CNOT1: variants seen among roughly 807,000 people sequenced by gnomAD.
The protein encoded by CNOT1 is CCR4-associated factor 1.
CNOT1 carries 15 observed loss-of-function variants against 273.8 expected under a neutral mutation model. That is an observed-to-expected ratio of 0.05 (90% CI 0.04 to 0.08). The LOEUF (loss-of-function observed/expected upper bound fraction) is 0.08. Ranked by LOEUF, CNOT1 falls within the 10% of genes least tolerant of loss-of-function variation. The pLI is 1.00. For missense variants in CNOT1, 1,644 were observed against 2,912.2 expected (o/e 0.56, Z 10.02); for synonymous variants, 1,022 against 1,005.5 (o/e 1.02, Z -0.31).
At chr16:58,613,814 C>T (rs2042981165) in intron 1 of CNOT1, among the ~76,000 whole-genome samples, 1 of 122,550 alleles carries the variant, frequency 8.2e-6, no homozygotes, top group Non-Finnish European at 1.9e-5. Flanking sequence ...AATTGGTCGC[C>T]GTGGTGGCTC....
Position 58,582,935 on chromosome 16 carries a change from C to G in CNOT1, c.934-32G>C, listed in dbSNP as rs754308831. On this transcript the variant is annotated intron_variant, in intron 9 of 48. Coordinates refer to ENST00000317147, the MANE Select transcript of CNOT1 (RefSeq NM_016284.5). ...AAGTAAAACTTGAATTAAACAAACCCAACTACTCCATGTGTTCACTTCTGG... is the reference window on the plus strand; with the variant it reads ...AAGTAAAACTTGAATTAAACAAACCGAACTACTCCATGTGTTCACTTCTGG... 9.3e-6 allele frequency: 15 copies of G among 1,613,316 alleles called. No homozygotes were observed. In the African/African-American group the frequency reaches 2.0e-4, roughly 22 times the overall value.
intron 42 of CNOT1, 120 bp downstream of exon 42, chr16:58,531,838 A>T: frequency 8.1e-7 from 1 of 1,232,274 alleles, no homozygotes; most frequent in African/African-American, 1.5e-5. Flanking sequence ...TAGCATTCCC[A>T]ACTAAGTTTG....
In CNOT1 at chr16:58,543,496, A is replaced by C. The variant is rs201759057; in HGVS notation, c.4434+111T>G. 1,042 of 1,546,322 alleles carry C rather than the reference A, an allele frequency of 6.7e-4. 1 individual carries two copies. The highest frequency in any genetic ancestry group is 8.4e-4 in the Non-Finnish European group (961 of 1,146,790). On this transcript the variant is annotated intron_variant, in intron 31 of 48. Coordinates refer to ENST00000317147, the MANE Select transcript of CNOT1 (RefSeq NM_016284.5). Reference sequence around the variant, plus strand: ...TGGAAGACATCAAACAAATATGGTGATTATTAAGAATAAGTGGTAACGCCC... The same window carrying C: ...TGGAAGACATCAAACAAATATGGTGCTTATTAAGAATAAGTGGTAACGCCC...
At chr16:58,538,658 A>G in intron 36 of CNOT1, 114 bp downstream of exon 36, 9 of 1,458,746 alleles carry the variant, frequency 6.2e-6, no homozygotes, top group Non-Finnish European at 7.3e-6. Context: ...AGGAAGTCTA[A>G]GTGTCCGACC....
chr16:58,567,121 C>T (rs554205146), intron 16 of CNOT1, among the ~76,000 whole-genome samples: 14 of 152,014 alleles, frequency 9.2e-5, no homozygotes, highest in African/African-American at 3.1e-4. Context: ...TGAACATGCA[C>T]TGTACTTCAG....
chr16:58,540,239 A>T (rs1049558421), intron 34 of CNOT1, among the ~76,000 whole-genome samples: 1 of 152,186 alleles, frequency 6.6e-6, no homozygotes, highest in Admixed American at 6.5e-5. Flanking sequence ...GAGCATTAGT[A>T]ACAATGAGAC....
chr16:58,583,185 G>A lies in CNOT1; in HGVS notation c.807-3C>T. On this transcript the variant is annotated splice_region_variant and splice_polypyrimidine_tract_variant and intron_variant, in intron 8 of 48. Coordinates refer to ENST00000317147, the MANE Select transcript of CNOT1 (RefSeq NM_016284.5). ...TTATATTGCGACATTCTTCAATACT[G>A]AAACAGAAATATAACTTCAGAAAAA... 2 of 1,612,564 alleles carry A rather than the reference G, an allele frequency of 1.2e-6. No individual in the cohort carries two copies. Among genetic ancestry groups the A allele is most frequent in the Admixed American group, 3.4e-5 (2 of 59,592 alleles).
chr16:58,587,662 C>G, intron 4 of CNOT1, 118 bp downstream of exon 4: 2 of 1,236,646 alleles, frequency 1.6e-6, no homozygotes, highest in Non-Finnish European at 2.2e-6. Flanking sequence ...TAAAAGACAC[C>G]CCAAAATAAC....
intron 16 of CNOT1, among the ~76,000 whole-genome samples, chr16:58,560,750 C>A (rs1009601104): frequency 1.3e-4 from 20 of 152,262 alleles, no homozygotes; most frequent in African/African-American, 4.6e-4. Context: ...CGAGGCTGAG[C>A]GTAGTGGTTC....
intron 17 of CNOT1, among the ~76,000 whole-genome samples, chr16:58,559,559 T>C (rs1030014615): frequency 5.3e-5 from 8 of 152,360 alleles, no homozygotes; most frequent in Middle Eastern, 3.4e-3. Flanking sequence ...CCAAAATATG[T>C]ATTTTTAAAA....
At chr16:58,537,820 C>T in intron 38 of CNOT1, 71 bp downstream of exon 38, 1 of 1,579,336 alleles carries the variant, frequency 6.3e-7, no homozygotes, top group Non-Finnish European at 8.7e-7. Context: ...GTTAGTAAGT[C>T]TGCATATTCA....
intron 1 of CNOT1, among the ~76,000 whole-genome samples, chr16:58,620,716 C>CTTTTG (rs140181343): frequency 0.4 from 57,957 of 146,288 alleles, 12,611 homozygotes; most frequent in African/African-American, 0.59. Flanking sequence ...GCTTAACAGT[C>CTTTTG]TTTTGACTAT....
At chr16:58,597,338 G>A (rs1305323852) in intron 2 of CNOT1, among the ~76,000 whole-genome samples, 2 of 151,930 alleles carry the variant, frequency 1.3e-5, no homozygotes, top group African/African-American at 4.8e-5. Context: ...AGCTGGGTGT[G>A]GTGGTGGAAG....
At chr16:58,568,267 C>G (rs979624923) in intron 16 of CNOT1, among the ~76,000 whole-genome samples, 6 of 151,898 alleles carry the variant, frequency 4.0e-5, no homozygotes, top group Non-Finnish European at 8.8e-5. Context: ...ACTCGGGAGG[C>G]TGAGGCATTA....
At chr16:58,530,017 T>C (rs970407527) in intron 43 of CNOT1, among the ~76,000 whole-genome samples, 1 of 152,184 alleles carries the variant, frequency 6.6e-6, no homozygotes, top group African/African-American at 2.4e-5. Flanking sequence ...TTTACAAGTA[T>C]AAACTGGTAC....
intron 1 of CNOT1, among the ~76,000 whole-genome samples, chr16:58,600,844 AATC>A (rs1262056574): frequency 3.3e-5 from 5 of 152,230 alleles, no homozygotes; most frequent in African/African-American, 7.2e-5. Context: ...AAAGTGTTGT[AATC>A]CCAACACTTT....
At chr16:58,613,953 G>A (rs1201862334) in intron 1 of CNOT1, among the ~76,000 whole-genome samples, 1 of 119,972 alleles carries the variant, frequency 8.3e-6, no homozygotes, top group Admixed American at 8.3e-5. Context: ...TTAGCCGGGC[G>A]TGGTGGCGGG....
intron 1 of CNOT1, among the ~76,000 whole-genome samples, chr16:58,610,117 A>G (rs1475120672): frequency 6.6e-6 from 1 of 152,184 alleles, no homozygotes; most frequent in East Asian, 1.9e-4. Flanking sequence ...AGAGAGGGCT[A>G]TTTAAAATGC....
intron 12 of CNOT1, among the ~76,000 whole-genome samples, chr16:58,579,291 AAGAC>A (rs1280580971): frequency 1.3e-5 from 2 of 152,224 alleles, no homozygotes; most frequent in Non-Finnish European, 2.9e-5. Flanking sequence ...ATAAATTTAA[AAGAC>A]AGAACAAAGA....
Sources: gnomAD v4.1 joint callset for allele counts (sites outside exome capture counted in the v4.1 genomes callset) on GRCh38, gnomAD v4.1.1 for gene constraint, MANE v1.5 for transcripts, NCBI Gene and HGNC (gene_info 2026-07-23, HGNC 2026-07-21) for gene names.